MCF2: variants seen among roughly 807,000 people sequenced by gnomAD.
MCF2 encodes the protein MCF.2 cell line derived transforming sequence.
MCF2 carries 44 observed loss-of-function variants against 82.5 expected under a neutral mutation model. That is an observed-to-expected ratio of 0.53 (90% CI 0.42 to 0.69). The LOEUF (loss-of-function observed/expected upper bound fraction) is 0.69, where lower values mean the gene tolerates loss of function less well. MCF2 is among the 30% of genes least tolerant of loss of function. MCF2 has a pLI of 0.00. For synonymous variants in MCF2, 217 were observed against 224.9 expected, an observed-to-expected ratio of 0.96 and a Z score of 0.32; for missense variants, 623 against 663.1, an observed-to-expected ratio of 0.94 and a Z score of 0.66.
At chrX:139,693,121 C>T (rs1235574509) in intron 1 of MCF2, among the ~76,000 whole-genome samples, 1 of 111,383 alleles carries the variant, frequency 9.0e-6, no homozygotes, top group Non-Finnish European at 1.9e-5. Context: ...AGATGGAGCT[C>T]CGCAGTGCCT....
chrX:139,682,674 C>G (rs1313735808), intron 1 of MCF2, among the ~76,000 whole-genome samples: 1 of 111,741 alleles, frequency 8.9e-6, no homozygotes, highest in Non-Finnish European at 1.9e-5. Flanking sequence ...ATGAAAAAGC[C>G]TTTGCCGATT....
At chrX:139,703,466 G>C (rs1007903980) in intron 1 of MCF2, among the ~76,000 whole-genome samples, 1 of 112,120 alleles carries the variant, frequency 8.9e-6, no homozygotes, top group East Asian at 2.8e-4. Flanking sequence ...GCTGGGCACG[G>C]TGGCTCATGC....
chrX:139,586,451 A>C lies in MCF2; in HGVS notation c.2559T>G (p.Thr853=), dbSNP rs3128285. ...CCACAGTGCTGGTGTGTTCCAATTC[A>C]GTTTCCTCAGTACTTATAAAAGCTC... Residue 853 remains threonine, a synonymous_variant, in exon 23 of 25, where the codon ACT becomes ACG. Transcript: ENST00000370576. 812 of 1,206,271 alleles carry C rather than the reference A, an allele frequency of 6.7e-4. 4 individuals are homozygous for C. In the African/African-American group the frequency reaches 0.013, roughly 19 times the overall value.
chrX:139,597,620 A>T, intron 17 of MCF2, 35 bp from the exon 22 acceptor site: 1 of 1,073,595 alleles, frequency 9.3e-7, no homozygotes, highest in Non-Finnish European at 1.2e-6. Flanking sequence ...TATTAGGCAG[A>T]TATTAATATC....
Position 139,683,961 on chromosome X carries a change from A to C in MCF2, c.-45+24145T>G, listed in dbSNP as rs10156924. Reference sequence around the variant, plus strand: ...TTGACATCCAAAGTACAAGCAATAAAAGAAAAAAATAGATACATTCGACCT... The same window carrying C: ...TTGACATCCAAAGTACAAGCAATAACAGAAAAAAATAGATACATTCGACCT... On this transcript the variant is annotated intron_variant, in intron 1 of 27. Coordinates refer to the MCF2 transcript ENST00000414978. 8.3e-3 allele frequency among the ~76,000 whole-genome samples: 935 copies of C among 112,791 alleles called. 11 individuals carry two copies. Among genetic ancestry groups the C allele is most frequent in the African/African-American group, 0.029 (893 of 31,149 alleles).
At chrX:139,663,189 T>C (rs1392672736) in intron 1 of MCF2, among the ~76,000 whole-genome samples, 1 of 112,312 alleles carries the variant, frequency 8.9e-6, no homozygotes, top group Non-Finnish European at 1.9e-5. Context: ...GAAATGGTAA[T>C]TGTATTTTTA....
chrX:139,645,344 C>T (rs1933764835), upstream of MCF2, among the ~76,000 whole-genome samples: 1 of 111,024 alleles, frequency 9.0e-6, no homozygotes, highest in Admixed American at 9.6e-5. Context: ...TCTCTTCTCA[C>T]TCATAACTGG....
At chrX:139,618,061 C>T (rs1266986937) in intron 7 of MCF2, among the ~76,000 whole-genome samples, 1 of 110,390 alleles carries the variant, frequency 9.1e-6, no homozygotes, top group Non-Finnish European at 1.9e-5. Flanking sequence ...GAGGTATACA[C>T]ACCAGCCAAG....
chrX:139,652,454 G>C (rs1431374816), intron 1 of MCF2, among the ~76,000 whole-genome samples: 12 of 111,207 alleles, frequency 1.1e-4, no homozygotes, highest in African/African-American at 3.9e-4. Flanking sequence ...CTGGCATAAT[G>C]GTAAGTGTTC....
At chrX:139,603,592 T>C (rs1205980845) in intron 15 of MCF2, among the ~76,000 whole-genome samples, 1 of 112,082 alleles carries the variant, frequency 8.9e-6, no homozygotes, top group Admixed American at 9.5e-5. Context: ...TCCCAACACT[T>C]TGGGAGGCTG....
intron 2 of MCF2, among the ~76,000 whole-genome samples, chrX:139,631,776 A>G (rs1024215619): frequency 9.8e-5 from 11 of 111,812 alleles, no homozygotes; most frequent in Non-Finnish European, 1.9e-5. Context: ...AAAAGTTTGC[A>G]TTGTTAATGG....
At chrX:139,630,364 T>C (rs977748826) in intron 3 of MCF2, among the ~76,000 whole-genome samples, 3 of 111,115 alleles carry the variant, frequency 2.7e-5, no homozygotes. Context: ...TTTCAGGTAC[T>C]ATAGAATATT....
At chrX:139,659,322 A>C (rs889603723) in intron 1 of MCF2, among the ~76,000 whole-genome samples, 1 of 111,171 alleles carries the variant, frequency 9.0e-6, no homozygotes, top group African/African-American at 3.3e-5. Flanking sequence ...TAAAAAAAAA[A>C]CTATTTCTCT....
intron 14 of MCF2, 51 bp downstream of exon 18, chrX:139,604,818 C>G (rs772991232): frequency 9.5e-7 from 1 of 1,055,385 alleles, no homozygotes; most frequent in Admixed American, 2.4e-5. Context: ...GTAAAGAGAG[C>G]ACTTTAAATA....
At chrX:139,693,500 ACAC>A (rs1339863281) in intron 1 of MCF2, among the ~76,000 whole-genome samples, 1 of 109,683 alleles carries the variant, frequency 9.1e-6, no homozygotes, top group Non-Finnish European at 1.9e-5. Context: ...ACACACACAC[ACAC>A]ACACACACAC....
intron 1 of MCF2, among the ~76,000 whole-genome samples, chrX:139,669,221 A>T (rs980873798): frequency 1.7e-4 from 19 of 111,980 alleles, no homozygotes; most frequent in African/African-American, 6.2e-4. Flanking sequence ...AATGGGCAAA[A>T]TATTTGAATA....
intron 1 of MCF2, among the ~76,000 whole-genome samples, chrX:139,706,080 A>G (rs760028671): frequency 1.2e-4 from 13 of 112,701 alleles, no homozygotes; most frequent in Non-Finnish European, 1.7e-4. Flanking sequence ...GCTGGCTGGC[A>G]AGGCAGCAGA....
upstream of MCF2, among the ~76,000 whole-genome samples, chrX:139,643,913 G>A (rs1318201233): frequency 8.9e-6 from 1 of 111,761 alleles, no homozygotes. Context: ...TCAGGCGGGT[G>A]CAGTGTTGGC....
At chrX:139,680,367 C>A (rs1413891612) in intron 1 of MCF2, among the ~76,000 whole-genome samples, 1 of 112,204 alleles carries the variant, frequency 8.9e-6, no homozygotes, top group Non-Finnish European at 1.9e-5. Context: ...GGATAATTTG[C>A]AAAGCACAGT....
Sources: allele counts gnomAD v4.1 joint callset (sites outside exome capture counted in the v4.1 genomes callset), GRCh38; gene constraint gnomAD v4.1.1; transcripts MANE v1.5; gene names NCBI Gene and HGNC (gene_info 2026-07-23, HGNC 2026-07-21).